The following ESRRG variants were observed in gnomAD, a reference collection of about 807,000 sequenced individuals.
ESRRG encodes the protein estrogen-related receptor gamma.
Under a neutral mutation model 44.0 loss-of-function variants are expected in ESRRG, and 13 were observed. The observed-to-expected ratio is 0.30, with a 90% confidence interval of 0.19 to 0.47. ESRRG has a LOEUF of 0.47. ESRRG is among the 20% of genes least tolerant of loss of function. ESRRG has a pLI of 1.00. For missense variants in ESRRG, 395 were observed against 580.6 expected (o/e 0.68, Z 3.29); for synonymous variants, 215 against 214.6 (o/e 1.00, Z -0.02).
Position 216,857,721 on chromosome 1 carries a change from T to TA in ESRRG, c.-14+81860dup, listed in dbSNP as rs10574748. 9.2e-3 allele frequency among the ~76,000 whole-genome samples: 1,184 copies of TA among 128,574 alleles called. 10 individuals carry two copies. The highest frequency in any genetic ancestry group is 0.034 in the Middle Eastern group (8 of 234). The allele number at this position is 128,574 out of a possible 152,430, so 84.3% of individuals were successfully genotyped here. ...AGCTAATTTTTCACAAAGCCAGATT[T>TA]AAAAAAAAAAAAAAAAAAGTCCCTT... On this transcript the variant is annotated intron_variant, in intron 2 of 7. Transcript: ENST00000359162.
chr1:216,685,758 G>A (rs1318215917), intron 1 of ESRRG, among the ~76,000 whole-genome samples: 1 of 152,182 alleles, frequency 6.6e-6, no homozygotes. Context: ...GCTATCACAA[G>A]TTGATATAAG....
intron 1 of ESRRG, among the ~76,000 whole-genome samples, chr1:216,948,048 A>T (rs1039917834): frequency 4.0e-5 from 6 of 151,210 alleles, no homozygotes; most frequent in Admixed American, 1.3e-4. Context: ...CTTGAAAGAG[A>T]CTCACCCCAA....
At chr1:217,044,275 A>C (rs1267351761) in intron 1 of ESRRG, among the ~76,000 whole-genome samples, 1 of 152,116 alleles carries the variant, frequency 6.6e-6, no homozygotes, top group Admixed American at 6.6e-5. Context: ...TAGCCACTGC[A>C]CATTAGCCTC....
intron 1 of ESRRG, among the ~76,000 whole-genome samples, chr1:216,703,659 A>ATGTGTG (rs67638063): frequency 1.3e-5 from 2 of 148,868 alleles, no homozygotes; most frequent in African/African-American, 5.0e-5. Context: ...AGCTGGATAG[A>ATGTGTG]TGTGTGTGTG....
chr1:216,873,614 A>G (rs190503906), intron 2 of ESRRG, among the ~76,000 whole-genome samples: 1,661 of 151,816 alleles, frequency 0.011, 16 homozygotes, highest in Non-Finnish European at 0.016. Flanking sequence ...CAGTCCTCCA[A>G]CTAGAAATCT....
chr1:216,959,810 C>T (rs1001380702), intron 1 of ESRRG: 8 of 152,034 alleles, frequency 5.3e-5, no homozygotes, highest in Non-Finnish European at 1.0e-4. Context: ...TATGCATCTG[C>T]ATGTATACAT....
intron 2 of ESRRG, among the ~76,000 whole-genome samples, chr1:216,769,419 A>T (rs895865915): frequency 1.3e-5 from 2 of 152,136 alleles, no homozygotes; most frequent in African/African-American, 4.8e-5. Context: ...TTATTTAAGT[A>T]TGTTGGCAAA....
chr1:217,117,571 C>A (rs148319112), intron 1 of ESRRG, among the ~76,000 whole-genome samples: 31 of 151,840 alleles, frequency 2.0e-4, no homozygotes, highest in African/African-American at 6.3e-4. Flanking sequence ...GATGACAGAG[C>A]GAGACCCTGT....
chr1:216,539,876 A>T (rs1278407602), intron 5 of ESRRG, among the ~76,000 whole-genome samples: 2 of 152,090 alleles, frequency 1.3e-5, no homozygotes, highest in Non-Finnish European at 2.9e-5. Flanking sequence ...GTAAAAATAC[A>T]TACAAAATTC....
intron 1 of ESRRG, among the ~76,000 whole-genome samples, chr1:217,021,986 GT>G (rs1458421370): frequency 2.0e-5 from 3 of 152,092 alleles, no homozygotes; most frequent in African/African-American, 7.2e-5. Context: ...GCAAAAAGTT[GT>G]TAAGTTTTGC....
chr1:216,818,055 C>A (rs1000276142), intron 2 of ESRRG, among the ~76,000 whole-genome samples: 2 of 152,070 alleles, frequency 1.3e-5, no homozygotes, highest in Non-Finnish European at 1.5e-5. Context: ...CACTGCTGCA[C>A]CAACAATGAC....
intron 2 of ESRRG, among the ~76,000 whole-genome samples, chr1:216,759,700 T>C (rs1245299469): frequency 6.6e-6 from 1 of 152,104 alleles, no homozygotes; most frequent in Non-Finnish European, 1.5e-5. Flanking sequence ...GCACCAGGTA[T>C]ACTAATATTT....
At chr1:216,554,936 A>G (rs372974798) in intron 5 of ESRRG, among the ~76,000 whole-genome samples, 1 of 152,164 alleles carries the variant, frequency 6.6e-6, no homozygotes, top group Non-Finnish European at 1.5e-5. Flanking sequence ...GTGATGCAAC[A>G]GTCTATTAGA....
chr1:216,895,049 G>T (rs542640669), intron 2 of ESRRG, among the ~76,000 whole-genome samples: 1 of 152,080 alleles, frequency 6.6e-6, no homozygotes. Flanking sequence ...GGGCTGGGGG[G>T]CGGATAAACC....
chr1:217,112,322 C>A (rs2092670362), intron 1 of ESRRG, among the ~76,000 whole-genome samples: 2 of 152,054 alleles, frequency 1.3e-5, no homozygotes. Flanking sequence ...GCTTTGGGAC[C>A]AAGTAGCAAG....
chr1:217,072,150 T>C (rs1441471572), intron 1 of ESRRG, among the ~76,000 whole-genome samples: 1 of 152,242 alleles, frequency 6.6e-6, no homozygotes, highest in Non-Finnish European at 1.5e-5. Context: ...GCTCTGGAAT[T>C]ACTCAGAGTC....
rs373622861 is a variant in ESRRG at position 216,897,424 on chromosome 1, A to G, written c.-14+42158T>C. Among the ~76,000 whole-genome samples the G allele has an allele frequency of 2.0e-5, 3 of 152,216 alleles. No homozygotes were observed. The East Asian group carries it at 5.8e-4, about 29-fold the overall frequency. ...GATCAAGGAATCTGCATTTTTAACT[A>G]GCACTGCCAGTGAGTTTGTGGACTA... On this transcript the variant is annotated intron_variant, in intron 2 of 7. Transcript: ENST00000359162.
At chr1:216,904,509 A>G (rs1042638850) in intron 2 of ESRRG, among the ~76,000 whole-genome samples, 2 of 152,184 alleles carry the variant, frequency 1.3e-5, no homozygotes, top group African/African-American at 4.8e-5. Context: ...CTTTTCTCCC[A>G]AAGATACTAT....
At chr1:217,030,008 G>A (rs914246510) in intron 1 of ESRRG, among the ~76,000 whole-genome samples, 4 of 152,136 alleles carry the variant, frequency 2.6e-5, no homozygotes, top group South Asian at 2.1e-4. Context: ...GAGAAAAACC[G>A]AAGCTGGGTA....
Sources: gnomAD v4.1 joint callset for allele counts (sites outside exome capture counted in the v4.1 genomes callset) on GRCh38, gnomAD v4.1.1 for gene constraint, MANE v1.5 for transcripts, NCBI Gene and HGNC (gene_info 2026-07-23, HGNC 2026-07-21) for gene names.